Variants in RPL31 observed in about 807,000 individuals in gnomAD.
RPL31 encodes ribosomal protein L31, also known as large ribosomal subunit protein eL31.
For missense variants in RPL31, 95 were observed against 164.0 expected (o/e 0.58, Z 2.30); for synonymous variants, 51 against 55.0 (o/e 0.93, Z 0.32).
chr2:101,010,421 A>G (rs566673778), downstream of RPL31, among the ~76,000 whole-genome samples: 13 of 152,310 alleles, frequency 8.5e-5, no homozygotes, highest in Non-Finnish European at 1.9e-4. Flanking sequence ...AAACTCCTCA[A>G]AGATGTGAAG....
intron 4 of RPL31, 32 bp from the exon 5 acceptor site, chr2:101,006,318 G>A: frequency 6.2e-7 from 1 of 1,603,796 alleles, no homozygotes; most frequent in Non-Finnish European, 8.5e-7. Flanking sequence ...ATGTGATGTG[G>A]GTATGGAAAT....
chr2:101,018,947 C>A, intron 4 of RPL31: 2 of 1,598,014 alleles, frequency 1.3e-6, no homozygotes, highest in East Asian at 2.2e-5. Flanking sequence ...TGCTCTTCGT[C>A]TGTGTGTTAC....
intron 4 of RPL31, among the ~76,000 whole-genome samples, chr2:101,015,673 T>C (rs1679576157): frequency 1.3e-5 from 2 of 152,170 alleles, no homozygotes; most frequent in African/African-American, 4.8e-5. Flanking sequence ...CTTCAAACTA[T>C]ACTACAAGGC....
At chr2:101,015,708 C>A (rs192005925) in intron 4 of RPL31, among the ~76,000 whole-genome samples, 2,237 of 152,284 alleles carry the variant, frequency 0.015, 27 homozygotes, top group Non-Finnish European at 0.021. Context: ...CAGCATGGTA[C>A]TGGTACCAAA....
chr2:101,007,580 G>A (rs903292890), downstream of RPL31: 16 of 502,746 alleles, frequency 3.2e-5, no homozygotes, highest in Admixed American at 7.1e-5. Context: ...CAGCAAATCC[G>A]GTAAAAATTG....
downstream of RPL31, among the ~76,000 whole-genome samples, chr2:101,009,470 A>G (rs1486911948): frequency 6.6e-6 from 1 of 152,114 alleles, no homozygotes; most frequent in African/African-American, 2.4e-5. Context: ...TTGGGGGAAA[A>G]GATCCATGGT....
downstream of RPL31, chr2:101,011,015 C>A: frequency 6.2e-7 from 1 of 1,612,242 alleles, no homozygotes; most frequent in South Asian, 1.1e-5. Context: ...TTCTGATAAT[C>A]AACTGCATCA....
chr2:101,012,254 A>T (rs764688636), downstream of RPL31, among the ~76,000 whole-genome samples: 1 of 152,222 alleles, frequency 6.6e-6, no homozygotes, highest in East Asian at 1.9e-4. Flanking sequence ...ACTTGTACAC[A>T]GATTGTTCAC....
chr2:101,008,191 G>A, downstream of RPL31: 1 of 1,612,894 alleles, frequency 6.2e-7, no homozygotes, highest in Non-Finnish European at 8.5e-7. Context: ...GGTGACTGTG[G>A]CGATGGCTTG....
At chr2:101,016,505 A>G (rs1465265442) in intron 4 of RPL31, among the ~76,000 whole-genome samples, 4 of 152,210 alleles carry the variant, frequency 2.6e-5, no homozygotes, top group Non-Finnish European at 4.4e-5. Flanking sequence ...CCCTTGTGGA[A>G]GTCAGTGTGG....
chr2:101,018,959 T>C (rs1167276552), intron 4 of RPL31: 2 of 1,605,138 alleles, frequency 1.2e-6, no homozygotes, highest in Non-Finnish European at 1.7e-6. Flanking sequence ...GTGTGTTACC[T>C]GACATGGTAC....
At chr2:101,009,540 G>GAA (rs779909753), downstream of RPL31, among the ~76,000 whole-genome samples, 6 of 150,212 alleles carry the variant, frequency 4.0e-5, no homozygotes, top group Non-Finnish European at 7.4e-5. Flanking sequence ...ATCATCTATA[G>GAA]AAAAAAAAAG....
Position 101,007,232 on chromosome 2 carries a change from T to C in RPL31, c.*851T>C, listed in dbSNP as rs1678786198. On this transcript the variant is annotated 3_prime_UTR_variant, in exon 5 of 5. Transcript: ENST00000264258. ...AGGTAAAAGAAAAGGACCAAGTAAATACAAAAAGTTTCTTATTAAAAAACT... is the reference window on the plus strand; with the variant it reads ...AGGTAAAAGAAAAGGACCAAGTAAACACAAAAAGTTTCTTATTAAAAAACT... 1 of 152,284 alleles carries C rather than the reference T, an allele frequency of 6.6e-6. No homozygotes were observed. Among genetic ancestry groups the C allele is most frequent in the Admixed American group, 6.5e-5 (1 of 15,300 alleles). 9.4% of individuals were successfully genotyped at this position (152,284 alleles called of 1,614,324 possible). A position where few individuals can be genotyped will look rare whatever the true frequency, so the allele number is the denominator to read the frequency against.
chr2:101,004,112 T>A lies in RPL31; in HGVS notation c.108-46T>A, dbSNP rs755937304. On this transcript the variant is annotated intron_variant, in intron 2 of 4. Coordinates refer to ENST00000264258, the MANE Select transcript of RPL31 (RefSeq NM_000993.5). ...TGAGGATTTCTCACATGTACCTAAT[T>A]TAGTTTTGTGCTCCTTTAATTTGTT... 4.4e-6 allele frequency: 7 copies of A among 1,594,940 alleles called. No individual in the cohort carries two copies. The Admixed American group carries it at 1.2e-4, about 28-fold the overall frequency.
At chr2:101,017,814 A>T (rs559874096) in intron 4 of RPL31, 2 of 1,545,876 alleles carry the variant, frequency 1.3e-6, no homozygotes, top group African/African-American at 2.7e-5. Flanking sequence ...ATTAGTTTTC[A>T]TACTAATACT....
At chr2:101,012,221 G>T (rs562304047), downstream of RPL31, among the ~76,000 whole-genome samples, 1 of 152,294 alleles carries the variant, frequency 6.6e-6, no homozygotes, top group East Asian at 1.9e-4. Flanking sequence ...ACACCCAAGA[G>T]AACTGAAAGT....
At chr2:101,008,332 T>C, downstream of RPL31, 1 of 1,352,960 alleles carries the variant, frequency 7.4e-7, no homozygotes, top group East Asian at 2.4e-5. Flanking sequence ...TCATTTTTTT[T>C]TTTAAACATA....
At chr2:101,019,172 C>T (rs1432740297) in exon 5 of RPL31, 1 of 1,219,882 alleles carries the variant, frequency 8.2e-7, no homozygotes, top group African/African-American at 1.5e-5. Context: ...AGGGCCAGGC[C>T]TGTTCTACAC....
At chr2:101,008,131 C>T (rs1185225997), downstream of RPL31, 1 of 1,613,790 alleles carries the variant, frequency 6.2e-7, no homozygotes, top group African/African-American at 1.3e-5. Context: ...GGAGCAGCTT[C>T]CAGAGCTGCT....
Sources: gnomAD v4.1 joint callset for allele counts (sites outside exome capture counted in the v4.1 genomes callset) on GRCh38, gnomAD v4.1.1 for gene constraint, MANE v1.5 for transcripts, NCBI Gene and HGNC (gene_info 2026-07-23, HGNC 2026-07-21) for gene names.